Variants in IQGAP2 observed in about 807,000 individuals in gnomAD.
IQGAP2 encodes IQ motif containing GTPase activating protein 2.
IQGAP2 carries 173 observed loss-of-function variants against 201.3 expected under a neutral mutation model. That is an observed-to-expected ratio of 0.86 (90% CI 0.76 to 0.98). The LOEUF is 0.98. Ranked by LOEUF, IQGAP2 falls within the 50% of genes least tolerant of loss-of-function variation. IQGAP2 has a pLI of 0.00. For missense variants in IQGAP2, 1,687 were observed against 1,864.8 expected (o/e 0.90, Z 1.76); for synonymous variants, 675 against 673.9 (o/e 1.00, Z -0.03).
chr5:76,568,767 G>T (rs1317519759), intron 3 of IQGAP2, among the ~76,000 whole-genome samples: 1 of 152,092 alleles, frequency 6.6e-6, no homozygotes, highest in African/African-American at 2.4e-5. Context: ...GGATCAATTT[G>T]GTGTCTTGGT....
rs1373136497 is a variant in IQGAP2, at chr5:76,683,930, G to A, written c.3905+13G>A. 6.2e-7 allele frequency: 1 copy of A among 1,603,552 alleles called. No homozygotes were observed. On this transcript the variant is annotated intron_variant, in intron 30 of 35. Transcript: ENST00000274364. ...GCCTCATGATAAAGTAAGTTTGGGG[G>A]TTAAAGGGCACATGTCTCCAAATAC...
intron 3 of IQGAP2, among the ~76,000 whole-genome samples, chr5:76,565,993 C>T (rs1744721168): frequency 6.6e-6 from 1 of 152,098 alleles, no homozygotes; most frequent in South Asian, 2.1e-4. Context: ...AGAACCACTG[C>T]TCTAACAGGT....
intron 28 of IQGAP2, among the ~76,000 whole-genome samples, chr5:76,680,998 C>T (rs1418635143): frequency 7.0e-6 from 1 of 143,574 alleles, no homozygotes. Context: ...CCCAGCTACT[C>T]GGAAGGCTGA....
chr5:76,502,985 T>C (rs1227033519), intron 2 of IQGAP2, among the ~76,000 whole-genome samples: 5 of 151,654 alleles, frequency 3.3e-5, no homozygotes, highest in Non-Finnish European at 7.4e-5. Flanking sequence ...GCTCAAGTGA[T>C]CCTCCTTGCT....
At chr5:76,574,419 T>A (rs1745328647) in intron 4 of IQGAP2, among the ~76,000 whole-genome samples, 1 of 152,202 alleles carries the variant, frequency 6.6e-6, no homozygotes, top group South Asian at 2.1e-4. Context: ...TTCTCCTGCC[T>A]CAGCCTCCCA....
chr5:76,655,154 A>T, intron 20 of IQGAP2, 151 bp downstream of exon 20: 1 of 576,034 alleles, frequency 1.7e-6, no homozygotes, highest in Non-Finnish European at 3.1e-6. Context: ...CCCAGGTTCT[A>T]AACCAGTACA....
chr5:76,587,034 T>C (rs921263655), intron 5 of IQGAP2, among the ~76,000 whole-genome samples: 3 of 152,228 alleles, frequency 2.0e-5, no homozygotes, highest in Non-Finnish European at 2.9e-5. Context: ...AAAGATATGG[T>C]ACCTATTAGG....
intron 17 of IQGAP2, among the ~76,000 whole-genome samples, chr5:76,650,847 C>A (rs531481245): frequency 6.6e-6 from 1 of 152,138 alleles, no homozygotes; most frequent in Non-Finnish European, 1.5e-5. Flanking sequence ...AGCTGTTCCC[C>A]CTATTAGTGA....
chr5:76,683,087 T>C (rs1745442007), intron 28 of IQGAP2, 28 bp from the exon 29 acceptor site: 1 of 1,397,900 alleles, frequency 7.2e-7, no homozygotes, highest in Admixed American at 1.9e-5. Flanking sequence ...ACTTTTTTCT[T>C]TGTGTGTGTG....
intron 5 of IQGAP2, among the ~76,000 whole-genome samples, chr5:76,580,284 G>GAA (rs57363971): frequency 8.2e-6 from 1 of 121,548 alleles, no homozygotes; most frequent in Admixed American, 7.8e-5. Flanking sequence ...TCAATTAAAA[G>GAA]AAAAAAAAAA....
chr5:76,589,561 T>A, intron 6 of IQGAP2, 54 bp from the exon 7 acceptor site: 1 of 978,944 alleles, frequency 1.0e-6, no homozygotes, highest in Non-Finnish European at 1.5e-6. Context: ...CCTGCATCCA[T>A]CTCTGTCTGT....
At chr5:76,646,269 G>T (rs1255616519) in intron 17 of IQGAP2, among the ~76,000 whole-genome samples, 1 of 152,146 alleles carries the variant, frequency 6.6e-6, no homozygotes, top group Admixed American at 6.5e-5. Flanking sequence ...TGACATCAGA[G>T]AATTTTGCCC....
At chr5:76,507,756 A>T (rs951419519) in intron 2 of IQGAP2, among the ~76,000 whole-genome samples, 16 of 152,226 alleles carry the variant, frequency 1.1e-4, no homozygotes, top group African/African-American at 3.9e-4. Context: ...TCACGCCTGT[A>T]ATTCCAGCAC....
chr5:76,451,258 C>T (rs543349687), intron 1 of IQGAP2, among the ~76,000 whole-genome samples: 1 of 152,286 alleles, frequency 6.6e-6, no homozygotes, highest in East Asian at 1.9e-4. Context: ...TTTCTTCCCC[C>T]ATACCGTGCT....
At chr5:76,523,076 C>CTTTTTTTTTTTTT (rs35277348) in intron 2 of IQGAP2, among the ~76,000 whole-genome samples, 2 of 78,372 alleles carry the variant, frequency 2.6e-5, no homozygotes, top group Admixed American at 1.5e-4. Flanking sequence ...TTTCTTTTGC[C>CTTTTTTTTTTTTT]TTTTTTTTTT....
chr5:76,577,335 A>G (rs1403202848), intron 5 of IQGAP2, among the ~76,000 whole-genome samples: 2 of 152,230 alleles, frequency 1.3e-5, no homozygotes, highest in Non-Finnish European at 2.9e-5. Flanking sequence ...TGGTAAACAA[A>G]GAAAAAACAA....
chr5:76,467,819 A>G (rs1031247350), intron 2 of IQGAP2, among the ~76,000 whole-genome samples: 6 of 152,230 alleles, frequency 3.9e-5, no homozygotes, highest in Admixed American at 6.5e-5. Context: ...ACTGATACAT[A>G]CTACAACATG....
At chr5:76,563,905 A>T (rs1306211377) in intron 3 of IQGAP2, among the ~76,000 whole-genome samples, 1 of 152,174 alleles carries the variant, frequency 6.6e-6, no homozygotes, top group Non-Finnish European at 1.5e-5. Flanking sequence ...AAATATGTAT[A>T]TTAAATACAG....
At chr5:76,543,819 T>TTTTTTG (rs1234173673) in intron 2 of IQGAP2, among the ~76,000 whole-genome samples, 1 of 152,210 alleles carries the variant, frequency 6.6e-6, no homozygotes, top group East Asian at 1.9e-4. Context: ...AGGTTTTTTG[T>TTTTTTG]TTTTTGTTTT....
Sources: gnomAD v4.1 joint callset for allele counts (sites outside exome capture counted in the v4.1 genomes callset) on GRCh38, gnomAD v4.1.1 for gene constraint, MANE v1.5 for transcripts, NCBI Gene and HGNC (gene_info 2026-07-23, HGNC 2026-07-21) for gene names.